The following SENP5 variants were observed in gnomAD, a reference collection of about 807,000 sequenced individuals.
The protein encoded by SENP5 is SUMO specific peptidase 5.
A neutral mutation model predicts 74.2 loss-of-function variants in SENP5; 21 were observed. The ratio of observed to expected loss-of-function variants is 0.28; its 90% CI spans 0.20 to 0.41. The LOEUF is 0.41. Among genes scored for constraint, SENP5 ranks in the 10% least tolerant of loss-of-function variants. SENP5 has a pLI of 1.00. For missense variants in SENP5, 717 were observed against 889.1 expected (o/e 0.81, Z 2.46); for synonymous variants, 311 against 312.7 (o/e 0.99, Z 0.06).
chr3:196,875,509 TTCC>T (rs1713418977), intron 1 of SENP5, among the ~76,000 whole-genome samples: 1 of 152,166 alleles, frequency 6.6e-6, no homozygotes, highest in Non-Finnish European at 1.5e-5. Flanking sequence ...AGCTCTTCTG[TTCC>T]TCATCTACCC....
chr3:196,911,050 C>G (rs1024691313), intron 6 of SENP5, among the ~76,000 whole-genome samples: 1 of 152,182 alleles, frequency 6.6e-6, no homozygotes, highest in Non-Finnish European at 1.5e-5. Context: ...CTTCCTTACA[C>G]CTTATACAAA....
intron 6 of SENP5, among the ~76,000 whole-genome samples, chr3:196,917,582 A>G (rs926042961): frequency 2.0e-5 from 3 of 152,224 alleles, no homozygotes; most frequent in African/African-American, 7.2e-5. Flanking sequence ...AAAGGAACAA[A>G]TAACATATGA....
At chr3:196,922,453 A>G (rs941248286) in intron 6 of SENP5, among the ~76,000 whole-genome samples, 1 of 150,710 alleles carries the variant, frequency 6.6e-6, no homozygotes, top group African/African-American at 2.4e-5. Flanking sequence ...TGCTTACACC[A>G]TGTCTGTAGA....
At chr3:196,930,081 C>T (rs1435848321) in intron 9 of SENP5, among the ~76,000 whole-genome samples, 1 of 151,744 alleles carries the variant, frequency 6.6e-6, no homozygotes, top group African/African-American at 2.4e-5. Context: ...AAACTGCCAT[C>T]TTGTGCTGTA....
chr3:196,925,568 T>A (rs886174594), intron 7 of SENP5, among the ~76,000 whole-genome samples: 6 of 152,204 alleles, frequency 3.9e-5, no homozygotes, highest in Non-Finnish European at 8.8e-5. Flanking sequence ...CTGTTTCAAG[T>A]AGGAACTATT....
intron 7 of SENP5, among the ~76,000 whole-genome samples, chr3:196,927,591 A>T (rs182165800): frequency 2.6e-4 from 40 of 151,340 alleles, no homozygotes; most frequent in African/African-American, 9.7e-4. Context: ...AGCTATGATC[A>T]CGCCATTGTA....
At chr3:196,876,271 G>C (rs947772906) in intron 1 of SENP5, among the ~76,000 whole-genome samples, 4 of 152,094 alleles carry the variant, frequency 2.6e-5, no homozygotes, top group Non-Finnish European at 5.9e-5. Flanking sequence ...GCCAGGCGCT[G>C]TGGCTCACGC....
intron 7 of SENP5, among the ~76,000 whole-genome samples, chr3:196,927,304 C>A (rs924873905): frequency 6.6e-6 from 1 of 152,120 alleles, no homozygotes; most frequent in Non-Finnish European, 1.5e-5. Context: ...TTTTGACTTG[C>A]CAGTATGTAA....
intron 2 of SENP5, among the ~76,000 whole-genome samples, chr3:196,888,892 G>A (rs972861234): frequency 5.9e-5 from 9 of 152,084 alleles, no homozygotes; most frequent in African/African-American, 9.6e-5. Flanking sequence ...CGAGGCGGGC[G>A]GATCATGAGG....
chr3:196,887,086 G>C (rs886170962), intron 2 of SENP5, among the ~76,000 whole-genome samples: 1 of 152,134 alleles, frequency 6.6e-6, no homozygotes, highest in African/African-American at 2.4e-5. Flanking sequence ...ACAGATCACA[G>C]AGTTTTGTTT....
At chr3:196,915,479 A>G (rs1715330307) in intron 6 of SENP5, among the ~76,000 whole-genome samples, 1 of 152,210 alleles carries the variant, frequency 6.6e-6, no homozygotes, top group African/African-American at 2.4e-5. Context: ...AAGGGAACCT[A>G]CTGGCCCTGA....
intron 6 of SENP5, among the ~76,000 whole-genome samples, chr3:196,909,642 C>T (rs943811707): frequency 3.3e-5 from 5 of 152,150 alleles, no homozygotes; most frequent in African/African-American, 1.2e-4. Context: ...GTCATATAAA[C>T]AGAACCAGTG....
Position 196,886,519 on chromosome 3 carries a change from A to G in SENP5, c.1338A>G (p.Gly446=). The change falls in exon 2 of 10, where the codon GGA becomes GGG. Residue 446 remains glycine (G), a synonymous_variant. Coordinates refer to ENST00000323460, the MANE Select transcript of SENP5 (RefSeq NM_152699.5). ...ACTCATACCAGATGGAGGAGGATGGATCTCTCAAGCAGAGCATTCTTAGTT... is the reference window on the plus strand; with the variant it reads ...ACTCATACCAGATGGAGGAGGATGGGTCTCTCAAGCAGAGCATTCTTAGTT... ...NENSYQMEED[G]SLKQSILSSE... 6.2e-7 allele frequency: 1 copy of G among 1,613,610 alleles called. No individual in the cohort carries two copies. The highest frequency in any genetic ancestry group is 1.1e-5 in the South Asian group (1 of 90,966).
rs1387916789 is a variant in SENP5, at chr3:196,927,927, TTATC to T, written c.2106+51_2106+54del. ...ACCCAGGCATGTCCAGGGGATGGAA[TTATC>T]TAAGGGTGGGTGCCTTTAAGAGCAT... On this transcript the variant is annotated intron_variant, in intron 8 of 9. Coordinates refer to ENST00000323460, the MANE Select transcript of SENP5 (RefSeq NM_152699.5). 4.8e-6 allele frequency: 6 copies of T among 1,242,026 alleles called. No homozygotes were observed. The African/African-American group carries it at 8.9e-5, about 18-fold the overall frequency. 76.9% of individuals were successfully genotyped at this position (1,242,026 alleles called of 1,614,324 possible). A position where few individuals can be genotyped will look rare whatever the true frequency, so the allele number is the denominator to read the frequency against.
At chr3:196,889,052 C>T (rs1407193145) in intron 2 of SENP5, among the ~76,000 whole-genome samples, 1 of 151,562 alleles carries the variant, frequency 6.6e-6, no homozygotes, top group Non-Finnish European at 1.5e-5. Context: ...GGAGGCGGAG[C>T]TTGCATTGAG....
At chr3:196,879,143 C>T (rs754017271) in intron 1 of SENP5, among the ~76,000 whole-genome samples, 14 of 152,108 alleles carry the variant, frequency 9.2e-5, no homozygotes, top group South Asian at 2.1e-4. Flanking sequence ...TGGACCCCAG[C>T]GGTAAATGTC....
In SENP5 at chr3:196,886,805, A is replaced by G. The variant is rs1343431318; in HGVS notation, c.1513+111A>G. The stretch of plus-strand genomic sequence containing the variant: ...CTCCCACTCATGAATATTTCTTTAA[A>G]CCAGTTAGTCTGCTTGAAGCCTTTT... On this transcript the variant is annotated intron_variant, in intron 2 of 9. Coordinates refer to ENST00000323460, the MANE Select transcript of SENP5 (RefSeq NM_152699.5). 1.5e-5 allele frequency: 12 copies of G among 824,408 alleles called. No individual in the cohort carries two copies. In the East Asian group the frequency reaches 3.1e-4, roughly 21 times the overall value. 51.1% of individuals were successfully genotyped at this position (824,408 alleles called of 1,614,324 possible). A position where few individuals can be genotyped will look rare whatever the true frequency, so the allele number is the denominator to read the frequency against.
At chr3:196,907,247 G>A (rs1253910907) in intron 6 of SENP5, among the ~76,000 whole-genome samples, 1 of 152,044 alleles carries the variant, frequency 6.6e-6, no homozygotes, top group African/African-American at 2.4e-5. Context: ...GCCGAGGCAG[G>A]CGGATCACGA....
intron 6 of SENP5, chr3:196,905,092 A>T (rs200881916): frequency 6.6e-6 from 1 of 151,866 alleles, no homozygotes; most frequent in East Asian, 1.9e-4. Context: ...TAGAGACGGG[A>T]TTTCACTATG....
Sources: allele counts gnomAD v4.1 joint callset (sites outside exome capture counted in the v4.1 genomes callset), GRCh38; gene constraint gnomAD v4.1.1; transcripts MANE v1.5; gene names NCBI Gene and HGNC (gene_info 2026-07-23, HGNC 2026-07-21).